CIT: variants seen among roughly 807,000 people sequenced by gnomAD.
The protein encoded by CIT is citron rho-interacting serine/threonine kinase, also known as citron Rho-interacting kinase.
CIT carries 79 observed loss-of-function variants against 272.7 expected under a neutral mutation model. The observed-to-expected ratio is 0.29, with a 90% CI of 0.24 to 0.35. CIT has a LOEUF of 0.35. Among genes scored for constraint, CIT ranks in the 10% least tolerant of loss-of-function variants. The pLI is 1.00. For missense variants in CIT, 1,909 were observed against 2,618.3 expected (o/e 0.73, Z 5.91); for synonymous variants, 948 against 995.6 (o/e 0.95, Z 0.90).
At chr12:119,826,636 G>C (rs900975831) in intron 7 of CIT, among the ~76,000 whole-genome samples, 1 of 152,150 alleles carries the variant, frequency 6.6e-6, no homozygotes, top group Non-Finnish European at 1.5e-5. Context: ...CATCAAAACA[G>C]AGAGGCCCTG....
chr12:119,780,301 G>T (rs1270839486), intron 13 of CIT, among the ~76,000 whole-genome samples: 4 of 152,090 alleles, frequency 2.6e-5, no homozygotes, highest in Non-Finnish European at 5.9e-5. Flanking sequence ...GGGTAGCTAG[G>T]TGGAAGTAAA....
chr12:119,754,196 T>C (rs1960640046), intron 22 of CIT, among the ~76,000 whole-genome samples: 1 of 152,182 alleles, frequency 6.6e-6, no homozygotes, highest in Non-Finnish European at 1.5e-5. Flanking sequence ...AAGCAAACTG[T>C]GGCACTGAGA....
chr12:119,862,823 AAAAAAAAAAAAAAAAAAG>A (rs1950387132), intron 3 of CIT, among the ~76,000 whole-genome samples: 1 of 134,200 alleles, frequency 7.5e-6, no homozygotes, highest in African/African-American at 3.2e-5. Flanking sequence ...AAAAAAAAAA[AAAAAAAAAAAAAAAAAAG>A]AAAAAACCAA....
At chr12:119,805,941 C>G (rs777624636) in intron 9 of CIT, among the ~76,000 whole-genome samples, 1 of 151,954 alleles carries the variant, frequency 6.6e-6, no homozygotes. Flanking sequence ...TCAAGGCCAG[C>G]CTGGCCAACA....
rs748315119 is a variant in CIT, at chr12:119,701,678, T to C, written c.5488A>G (p.Ile1830Val). The C allele has an allele frequency of 1.3e-4, 216 of 1,614,012 alleles. No homozygotes were observed. Among genetic ancestry groups the C allele is most frequent in the Non-Finnish European group, 1.7e-4 (196 of 1,180,004 alleles). ...TGCCCTGCGCTGTTCACCTGCACGATTGAGACAGGGAAGCTGTTGGAAGAG... is the reference window on the plus strand; with the variant it reads ...TGCCCTGCGCTGTTCACCTGCACGACTGAGACAGGGAAGCTGTTGGAAGAG... ...AASSNSFPVSIVQVNSAGQRE... is the reference protein window; with the variant it reads ...AASSNSFPVSVVQVNSAGQRE... Residue 1830 changes from isoleucine (I) to valine (V), a missense_variant, in exon 43 of 48, where the codon ATC (isoleucine) becomes GTC (valine). By Grantham distance (29) the Ile-to-Val change is conservative (BLOSUM62 3). This residue lies in a region of CIT where 780 missense variants were observed against 1,067.2 expected (regional missense o/e 0.73). Coordinates refer to ENST00000392521, the MANE Select transcript of CIT (RefSeq NM_001206999.2).
chr12:119,867,452 C>T (rs574587991), intron 3 of CIT, among the ~76,000 whole-genome samples: 211 of 152,256 alleles, frequency 1.4e-3, no homozygotes, highest in African/African-American at 4.9e-3. Context: ...CCTCCCAAAG[C>T]GCTGGGCTTA....
chr12:119,697,819 G>C lies in CIT; in HGVS notation c.5722C>G (p.Leu1908Val). Residue 1908 changes from leucine to valine, a missense_variant, in exon 46 of 48, where the codon CTG (leucine) becomes GTG (valine). Around this residue, in one of 8 missense-constraint regions of CIT, gnomAD observed 780 missense variants for 1,067.2 expected, o/e 0.73. Transcript: ENST00000392521. The surrounding 1 kb of genome is among the most constrained non-coding windows in gnomAD (Gnocchi z 4.9). ...AGGTAGCGCGGGTTCGGGATGTCCA[G>C]GTACGCTCGGGCAGGGGTCCTGCAG... ...SSAGTPARAY[L>V]DIPNPRYLGP... 6.2e-7 allele frequency: 1 copy of C among 1,614,034 alleles called. No individual in the cohort carries two copies. The highest frequency in any genetic ancestry group is 8.5e-7 in the Non-Finnish European group (1 of 1,180,028).
rs1955600880 is a variant in CIT at position 119,686,757 on chromosome 12, C to G, written c.*1475G>C. On this transcript the variant is annotated 3_prime_UTR_variant, in exon 48 of 48. Transcript: ENST00000392521. The stretch of plus-strand genomic sequence containing the variant: ...GCGAGTTAGCTTGCCAACTGCAAAG[C>G]CTCTAGGTTGGTTCTGTACCAGTTG... 6.6e-6 allele frequency: 1 copy of G among 152,590 alleles called. No individual in the cohort carries two copies. Among genetic ancestry groups the G allele is most frequent in the South Asian group, 2.1e-4 (1 of 4,832 alleles). 9.5% of individuals were successfully genotyped at this position (152,590 alleles called of 1,614,324 possible).
intron 24 of CIT, 63 bp from the exon 25 acceptor site, chr12:119,735,420 C>T: frequency 6.5e-7 from 1 of 1,542,484 alleles, no homozygotes; most frequent in Non-Finnish European, 9.0e-7. Context: ...GAAATTGCTT[C>T]TAGGGCTATG....
chr12:119,714,699 G>A (rs1348692930), intron 32 of CIT, among the ~76,000 whole-genome samples: 1 of 152,150 alleles, frequency 6.6e-6, no homozygotes, highest in Non-Finnish European at 1.5e-5. Flanking sequence ...ATGAGGATGT[G>A]GAGAAACTGG....
At chr12:119,806,009 T>C (rs749118236) in intron 9 of CIT, among the ~76,000 whole-genome samples, 2 of 151,898 alleles carry the variant, frequency 1.3e-5, no homozygotes, top group African/African-American at 4.8e-5. Flanking sequence ...TGATGGTGCA[T>C]GCCTGTAGTC....
At chr12:119,862,849 C>CAAAAAAAAAAAAAAAAAAAAA (rs112181745) in intron 3 of CIT, among the ~76,000 whole-genome samples, 2 of 64,948 alleles carry the variant, frequency 3.1e-5, no homozygotes, top group African/African-American at 5.4e-5. Context: ...AAGAAAAAAC[C>CAAAAAAAAAAAAAAAAAAAAA]AAAAAAAAAA....
intron 9 of CIT, among the ~76,000 whole-genome samples, chr12:119,812,112 CT>C (rs1335047678): frequency 6.6e-6 from 1 of 151,364 alleles, no homozygotes; most frequent in Non-Finnish European, 1.5e-5. Flanking sequence ...TGCCTGGATA[CT>C]TTTTTTGTAT....
intron 3 of CIT, among the ~76,000 whole-genome samples, chr12:119,860,728 T>C (rs891926316): frequency 6.6e-6 from 1 of 152,100 alleles, no homozygotes; most frequent in African/African-American, 2.4e-5. Context: ...CTTGGAATTC[T>C]GAGAAGCCAT....
At chr12:119,701,787 T>G (rs1593394469) in intron 42 of CIT, 35 bp from the exon 43 acceptor site, 1 of 1,613,824 alleles carries the variant, frequency 6.2e-7, no homozygotes, top group Non-Finnish European at 8.5e-7. Context: ...GCTTCAGGAG[T>G]GAGTTCTGAG....
chr12:119,729,170 A>C (rs1333930954), intron 27 of CIT, among the ~76,000 whole-genome samples: 1 of 152,238 alleles, frequency 6.6e-6, no homozygotes, highest in Admixed American at 6.5e-5. Flanking sequence ...TTTTAAGAAC[A>C]GTCAACTAGA....
In CIT at chr12:119,710,393, G is replaced by A. The variant is rs1041289644; in HGVS notation, c.4936-7C>T. The A allele has an allele frequency of 6.2e-7, 1 of 1,613,960 alleles. No individual in the cohort carries two copies. Among genetic ancestry groups the A allele is most frequent in the Non-Finnish European group, 8.5e-7 (1 of 1,180,010 alleles). On this transcript the variant is annotated splice_polypyrimidine_tract_variant and splice_region_variant and intron_variant, in intron 38 of 47. Transcript: ENST00000392521. This position sits in a 1 kb window ranked among gnomAD's most constrained non-coding sequence, Gnocchi z 5.6. ...CGGTGCCCACCAACACCACCTGCAA[G>A]GGCAGAAGTCCGAAGGCAGAACATA...
At chr12:119,699,256 CAAAAA>C (rs1181095399) in intron 44 of CIT, among the ~76,000 whole-genome samples, 4 of 51,430 alleles carry the variant, frequency 7.8e-5, no homozygotes, top group Admixed American at 4.1e-4. Flanking sequence ...AAATCCGACT[CAAAAA>C]AAAAAAAAAA....
intron 4 of CIT, among the ~76,000 whole-genome samples, chr12:119,854,399 A>G (rs1970439690): frequency 6.6e-6 from 1 of 151,480 alleles, no homozygotes; most frequent in Admixed American, 6.6e-5. Flanking sequence ...GTACTTTGAG[A>G]GGCTAAAGTG....
Sources: gnomAD v4.1 joint callset for allele counts (sites outside exome capture counted in the v4.1 genomes callset) on GRCh38, gnomAD v4.1.1 for gene constraint, gnomAD v4.1.1 regional missense constraint, Gnocchi (gnomAD v3.1) non-coding constraint, MANE v1.5 for transcripts, NCBI Gene and HGNC (gene_info 2026-07-23, HGNC 2026-07-21) for gene names.